SPATA17: variants seen among roughly 807,000 people sequenced by gnomAD.
SPATA17 encodes the protein spermatogenesis associated 17.
Under a neutral mutation model 62.2 loss-of-function variants are expected in SPATA17, and 53 were observed. The ratio of observed to expected loss-of-function variants is 0.85; its 90% CI spans 0.68 to 1.07. SPATA17 has a LOEUF of 1.07. Ranked by LOEUF, SPATA17 falls within the 50% of genes least tolerant of loss-of-function variation. The pLI is 0.00. For missense variants in SPATA17, 466 were observed against 425.5 expected (o/e 1.10, Z -0.84); for synonymous variants, 146 against 146.8 (o/e 0.99, Z 0.04).
At chr1:217,642,411 T>A (rs940202234) in intron 1 of SPATA17, among the ~76,000 whole-genome samples, 1 of 152,198 alleles carries the variant, frequency 6.6e-6, no homozygotes, top group Non-Finnish European at 1.5e-5. Context: ...TTGTCCCGGA[T>A]TTGGCTAGTG....
At chr1:217,838,622 T>C (rs1675316031) in intron 9 of SPATA17, among the ~76,000 whole-genome samples, 1 of 152,106 alleles carries the variant, frequency 6.6e-6, no homozygotes, top group Non-Finnish European at 1.5e-5. Context: ...TTTGGATTAG[T>C]TTTGCCTGTG....
At chr1:217,786,750 T>TTTCTTCTTCTTCTAC (rs1673874601) in intron 8 of SPATA17, among the ~76,000 whole-genome samples, 1 of 107,436 alleles carries the variant, frequency 9.3e-6, no homozygotes, top group Non-Finnish European at 1.9e-5. Flanking sequence ...TGATATTCTC[T>TTTCTTCTTCTTCTAC]TTCTTCTTCT....
intron 7 of SPATA17, among the ~76,000 whole-genome samples, chr1:217,780,802 C>T (rs958478283): frequency 1.3e-5 from 2 of 152,160 alleles, no homozygotes; most frequent in African/African-American, 4.8e-5. Context: ...GTCACATTAT[C>T]GTACACATCT....
chr1:217,670,623 T>C (rs1670810754), intron 4 of SPATA17, among the ~76,000 whole-genome samples: 1 of 152,112 alleles, frequency 6.6e-6, no homozygotes, highest in African/African-American at 2.4e-5. Context: ...TTTACCTGAG[T>C]CTTGTGATCC....
At chr1:217,854,376 G>A (rs1000588776) in intron 9 of SPATA17, among the ~76,000 whole-genome samples, 7 of 152,122 alleles carry the variant, frequency 4.6e-5, no homozygotes, top group Non-Finnish European at 1.0e-4. Flanking sequence ...TCCAGTAGCA[G>A]TGTTCTTATA....
Position 217,869,293 on chromosome 1 carries a change from A to C in SPATA17, c.*2274A>C, listed in dbSNP as rs1315119414. The C allele has an allele frequency of 2.0e-5, 3 of 152,188 alleles. No individual in the cohort carries two copies. The highest frequency in any genetic ancestry group is 4.4e-5 in the Non-Finnish European group (3 of 68,028). The allele number at this position is 152,188 out of a possible 1,614,324, so 9.4% of individuals were successfully genotyped here. A position where few individuals can be genotyped will look rare whatever the true frequency, so the allele number is the denominator to read the frequency against. The stretch of plus-strand genomic sequence containing the variant: ...AATTGGCAATTGGTTCAAAGAATTT[A>C]TCTAAAGACCTGGAATCCATAGAAG... On this transcript the variant is annotated 3_prime_UTR_variant, in exon 11 of 11. Coordinates refer to ENST00000366933, the MANE Select transcript of SPATA17 (RefSeq NM_138796.4).
chr1:217,698,002 A>G (rs1399860197), intron 5 of SPATA17, among the ~76,000 whole-genome samples: 1 of 152,084 alleles, frequency 6.6e-6, no homozygotes, highest in Non-Finnish European at 1.5e-5. Flanking sequence ...AAATTAACAA[A>G]TTTGATTAAG....
At chr1:217,774,995 C>A (rs776935120) in intron 7 of SPATA17, among the ~76,000 whole-genome samples, 3 of 152,034 alleles carry the variant, frequency 2.0e-5, no homozygotes, top group Non-Finnish European at 4.4e-5. Flanking sequence ...GTTTTCATTT[C>A]TTTTAAGAAT....
chr1:217,852,887 A>C (rs1489866119), intron 9 of SPATA17, among the ~76,000 whole-genome samples: 2 of 152,094 alleles, frequency 1.3e-5, no homozygotes, highest in East Asian at 3.9e-4. Flanking sequence ...TGAAATTCAA[A>C]GCCCTTTCCC....
At chr1:217,862,896 A>T (rs747489163) in intron 10 of SPATA17, 40 bp downstream of exon 10, 1 of 1,306,282 alleles carries the variant, frequency 7.7e-7, no homozygotes, top group South Asian at 1.4e-5. Flanking sequence ...AAAGTATATT[A>T]AATAACACTT....
intron 8 of SPATA17, among the ~76,000 whole-genome samples, chr1:217,794,378 T>A (rs1674083463): frequency 6.6e-6 from 1 of 152,164 alleles, no homozygotes; most frequent in Admixed American, 6.5e-5. Context: ...AATGGTGATT[T>A]GGTGATCTCA....
rs1194705745 is a variant in SPATA17, at chr1:217,870,584, T to C, written c.*3565T>C. On this transcript the variant is annotated 3_prime_UTR_variant, in exon 11 of 11. Transcript: ENST00000366933. ...TTCTATATTCTCAATATGAGCCACT[T>C]AAGAAAATTAATGAGACTTTATGTT... 2.0e-5 allele frequency: 3 copies of C among 152,194 alleles called. No individual in the cohort carries two copies. Among genetic ancestry groups the C allele is most frequent in the African/African-American group, 7.2e-5 (3 of 41,464 alleles). 9.4% of individuals were successfully genotyped at this position (152,194 alleles called of 1,614,324 possible). A position where few individuals can be genotyped will look rare whatever the true frequency, so the allele number is the denominator to read the frequency against.
chr1:217,638,242 G>GT (rs1669982308), intron 1 of SPATA17, among the ~76,000 whole-genome samples: 1 of 151,998 alleles, frequency 6.6e-6, no homozygotes, highest in Admixed American at 6.6e-5. Flanking sequence ...TTTTCCATAG[G>GT]TATATACCTG....
intron 3 of SPATA17, among the ~76,000 whole-genome samples, chr1:217,658,084 T>C (rs1391243868): frequency 6.6e-6 from 1 of 152,196 alleles, no homozygotes; most frequent in East Asian, 1.9e-4. Flanking sequence ...CCTTGACACA[T>C]GGGGATTATT....
At chr1:217,679,320 A>G (rs971244208) in intron 4 of SPATA17, among the ~76,000 whole-genome samples, 8 of 152,142 alleles carry the variant, frequency 5.3e-5, no homozygotes, top group Non-Finnish European at 1.0e-4. Context: ...TGGTTATGTG[A>G]CCCTGAGCAA....
At chr1:217,679,293 T>C (rs1671021702) in intron 4 of SPATA17, among the ~76,000 whole-genome samples, 1 of 152,168 alleles carries the variant, frequency 6.6e-6, no homozygotes, top group Non-Finnish European at 1.5e-5. Flanking sequence ...ATCCTGACTT[T>C]CCATTTACTG....
At chr1:217,680,540 T>C (rs567861766) in intron 4 of SPATA17, among the ~76,000 whole-genome samples, 2 of 152,264 alleles carry the variant, frequency 1.3e-5, no homozygotes, top group African/African-American at 4.8e-5. Context: ...AAAGAATTGA[T>C]CTGGCAAATA....
At chr1:217,633,303 G>A (rs1238568497) in intron 1 of SPATA17, among the ~76,000 whole-genome samples, 1 of 152,144 alleles carries the variant, frequency 6.6e-6, no homozygotes, top group African/African-American at 2.4e-5. Flanking sequence ...GATTATATAT[G>A]AGGGATTGCA....
chr1:217,750,804 A>T (rs1672886176), intron 6 of SPATA17, among the ~76,000 whole-genome samples: 1 of 152,200 alleles, frequency 6.6e-6, no homozygotes, highest in African/African-American at 2.4e-5. Context: ...GATCTTTAGG[A>T]TGATCTTTCC....
Sources: gnomAD v4.1 joint callset for allele counts (sites outside exome capture counted in the v4.1 genomes callset) on GRCh38, gnomAD v4.1.1 for gene constraint, MANE v1.5 for transcripts, NCBI Gene and HGNC (gene_info 2026-07-23, HGNC 2026-07-21) for gene names.